Variants in KCNMA1 observed in about 807,000 individuals in gnomAD.
KCNMA1 encodes Calcium-activated potassium channel subunit alpha-1.
Under a neutral mutation model 140.0 loss-of-function variants are expected in KCNMA1, and 29 were observed. The observed-to-expected ratio is 0.21, with a 90% CI of 0.15 to 0.28. The LOEUF is 0.28. KCNMA1 is among the 10% of genes least tolerant of loss of function. The pLI is 1.00. For missense variants in KCNMA1, 880 were observed against 1,602.2 expected (o/e 0.55, Z 7.70); for synonymous variants, 612 against 611.9 (o/e 1.00, Z 0.00).
intron 1 of KCNMA1, among the ~76,000 whole-genome samples, chr10:77,486,902 C>T (rs2098467567): frequency 6.6e-6 from 1 of 152,216 alleles, no homozygotes; most frequent in African/African-American, 2.4e-5. Context: ...GTTCAGAGGC[C>T]TTCTCCCTCT....
intron 19 of KCNMA1, chr10:76,979,612 G>A (rs2078798170): frequency 6.6e-6 from 1 of 152,048 alleles, no homozygotes. Flanking sequence ...TTAAAGACCA[G>A]CCTAGAATCT....
intron 2 of KCNMA1, among the ~76,000 whole-genome samples, chr10:77,335,712 T>C (rs1195464562): frequency 6.6e-6 from 1 of 152,198 alleles, no homozygotes; most frequent in Admixed American, 6.5e-5. Flanking sequence ...GTACCCTTTC[T>C]CGTTGGATCC....
At chr10:76,947,712 C>T (rs2064604761) in intron 22 of KCNMA1, among the ~76,000 whole-genome samples, 2 of 152,196 alleles carry the variant, frequency 1.3e-5, no homozygotes, top group African/African-American at 4.8e-5. Context: ...TTTGGCCCAG[C>T]ATCCAAAAGA....
chr10:77,118,147 A>C (rs1467756378), intron 6 of KCNMA1, among the ~76,000 whole-genome samples: 1 of 152,202 alleles, frequency 6.6e-6, no homozygotes, highest in Non-Finnish European at 1.5e-5. Context: ...ATTCACCGCC[A>C]AAGAGAGCCA....
chr10:77,524,008 G>A lies in KCNMA1; in HGVS notation c.378+113257C>T, dbSNP rs1206178990. Among the ~76,000 whole-genome samples, 5 of 152,190 alleles carry A rather than the reference G, an allele frequency of 3.3e-5. No individual in the cohort carries two copies. The East Asian group carries it at 9.6e-4, about 29-fold the overall frequency. On this transcript the variant is annotated intron_variant, in intron 1 of 27. Transcript: ENST00000286628. ...GAGGAGATGAATATTCACTCTCCAT[G>A]ATGTGCTTATTTCACATTGCATGCC...
At chr10:77,509,101 T>TTGTTGTTG (rs1555403179) in intron 1 of KCNMA1, among the ~76,000 whole-genome samples, 43 of 118,942 alleles carry the variant, frequency 3.6e-4, no homozygotes, top group African/African-American at 4.5e-4. Flanking sequence ...TTTGTTGGGT[T>TTGTTGTTG]TTGTTGTTGT....
At chr10:77,368,063 A>G (rs1002853044) in intron 2 of KCNMA1, among the ~76,000 whole-genome samples, 1 of 152,226 alleles carries the variant, frequency 6.6e-6, no homozygotes, top group Non-Finnish European at 1.5e-5. Context: ...ATATCTAGAC[A>G]TTGAATTTCT....
intron 1 of KCNMA1, among the ~76,000 whole-genome samples, chr10:77,565,974 G>A (rs1567584409): frequency 6.9e-6 from 1 of 145,910 alleles, no homozygotes; most frequent in Non-Finnish European, 1.5e-5. Flanking sequence ...GAAATGCAAA[G>A]GCAGTTGCTG....
At chr10:77,238,993 C>T (rs1052416863) in intron 3 of KCNMA1, among the ~76,000 whole-genome samples, 1 of 152,166 alleles carries the variant, frequency 6.6e-6, no homozygotes, top group Admixed American at 6.5e-5. Context: ...CAAGCATAAG[C>T]ACATGCATGC....
intron 14 of KCNMA1, among the ~76,000 whole-genome samples, chr10:77,052,931 T>C (rs987624868): frequency 1.3e-5 from 2 of 152,132 alleles, no homozygotes; most frequent in Admixed American, 6.5e-5. Flanking sequence ...ATCAAAGTAT[T>C]CCCCCAAATA....
At chr10:77,562,075 C>T (rs962145095) in intron 1 of KCNMA1, among the ~76,000 whole-genome samples, 2 of 152,190 alleles carry the variant, frequency 1.3e-5, no homozygotes, top group Non-Finnish European at 2.9e-5. Flanking sequence ...ATCCAGGGTG[C>T]CCAGATGCCC....
chr10:77,028,230 G>T (rs144434907), intron 15 of KCNMA1, among the ~76,000 whole-genome samples: 2 of 152,296 alleles, frequency 1.3e-5, no homozygotes, highest in East Asian at 1.9e-4. Flanking sequence ...GTTAACTACA[G>T]GGGGAGGGAA....
At chr10:76,988,661 T>C (rs1462092525) in intron 19 of KCNMA1, among the ~76,000 whole-genome samples, 1 of 152,028 alleles carries the variant, frequency 6.6e-6, no homozygotes, top group Non-Finnish European at 1.5e-5. Context: ...GTTCCAACTT[T>C]CCCTCCCTCT....
intron 6 of KCNMA1, among the ~76,000 whole-genome samples, chr10:77,112,904 C>T (rs1389293939): frequency 1.3e-5 from 2 of 151,862 alleles, no homozygotes; most frequent in African/African-American, 4.8e-5. Flanking sequence ...ATGGCACAAG[C>T]CCTAAATACT....
chr10:77,217,198 G>A (rs1423430105), intron 3 of KCNMA1, among the ~76,000 whole-genome samples: 1 of 151,726 alleles, frequency 6.6e-6, no homozygotes, highest in Non-Finnish European at 1.5e-5. Context: ...CCACCTACTC[G>A]GGAGGCTGAG....
Position 77,637,730 on chromosome 10 carries a change from C to T in KCNMA1, c.-88G>A. On this transcript the variant is annotated 5_prime_UTR_variant, in exon 1 of 28. Transcript: ENST00000286628. The stretch of plus-strand genomic sequence containing the variant: ...CAAACACCCATCAACAGCCATATTG[C>T]TGCTACTGCTGCCGCCGCCGCCGCC... 5.3e-6 allele frequency: 7 copies of T among 1,323,542 alleles called. No homozygotes were observed. The highest frequency in any genetic ancestry group is 6.7e-6 in the Non-Finnish European group (7 of 1,049,502). The allele number at this position is 1,323,542 out of a possible 1,614,324, so 82.0% of individuals were successfully genotyped here.
chr10:76,948,286 A>G (rs369257312), intron 22 of KCNMA1, among the ~76,000 whole-genome samples: 2 of 152,296 alleles, frequency 1.3e-5, no homozygotes, highest in Admixed American at 6.5e-5. Flanking sequence ...GATTACAGGG[A>G]TTAGCCACTG....
chr10:76,943,280 G>A (rs747573272), intron 23 of KCNMA1, among the ~76,000 whole-genome samples: 6 of 152,168 alleles, frequency 3.9e-5, no homozygotes, highest in Non-Finnish European at 5.9e-5. Context: ...GCTGTCCTGC[G>A]GGCACAGCTG....
intron 1 of KCNMA1, among the ~76,000 whole-genome samples, chr10:77,549,132 C>T (rs2062134681): frequency 6.6e-6 from 1 of 152,178 alleles, no homozygotes; most frequent in Non-Finnish European, 1.5e-5. Flanking sequence ...ATTAACCTCA[C>T]CATCACAGAG....
Sources: allele counts gnomAD v4.1 joint callset (sites outside exome capture counted in the v4.1 genomes callset), GRCh38; gene constraint gnomAD v4.1.1; transcripts MANE v1.5; gene names NCBI Gene and HGNC (gene_info 2026-07-23, HGNC 2026-07-21).